The following BMP2K variants were observed in gnomAD, a reference collection of about 807,000 sequenced individuals.
BMP2K encodes the protein BMP2 inducible kinase.
A neutral mutation model predicts 116.0 loss-of-function variants in BMP2K; 74 were observed. The observed-to-expected ratio is 0.64, with a 90% confidence interval of 0.53 to 0.77. The LOEUF (loss-of-function observed/expected upper bound fraction) is 0.77. BMP2K is among the 30% of genes least tolerant of loss of function. BMP2K has a pLI of 0.00. For missense variants in BMP2K, 1,365 were observed against 1,403.6 expected (o/e 0.97, Z 0.44); for synonymous variants, 486 against 502.5 (o/e 0.97, Z 0.44).
At position 78,870,874 on chromosome 4, in the gene BMP2K, A is replaced by G. The variant is rs1263167463; in HGVS notation, c.1323A>G (p.Leu441=). The G allele has an allele frequency of 3.1e-6, 5 of 1,613,660 alleles. No individual in the cohort carries two copies. The highest frequency in any genetic ancestry group is 1.1e-5 in the South Asian group (1 of 91,060). Residue 441 remains leucine (L), a synonymous_variant, in exon 11 of 16, where the codon CTA becomes CTG. Coordinates refer to ENST00000502613, the MANE Select transcript of BMP2K (RefSeq NM_198892.2). The part of the protein sequence containing the change: ...PPQQHRVLQQ[L]QQGDWRLQQL... ...AGCAGCATAGAGTACTCCAGCAACT[A>G]CAGCAGGGAGATTGGAGATTACAGC...
At chr4:78,827,149 C>T in intron 2 of BMP2K, among the ~76,000 whole-genome samples, 1 of 152,212 alleles carries the variant, frequency 6.6e-6, no homozygotes, top group East Asian at 1.9e-4. Context: ...TTCTCTGCCC[C>T]ATTGTTGAAC....
chr4:78,776,529 C>G lies in BMP2K; in HGVS notation c.-15C>G. 8.8e-7 allele frequency: 1 copy of G among 1,140,750 alleles called. No individual in the cohort carries two copies. Among genetic ancestry groups the G allele is most frequent in the Non-Finnish European group, 1.1e-6 (1 of 926,262 alleles). 70.7% of individuals were successfully genotyped at this position (1,140,750 alleles called of 1,614,324 possible). The stretch of plus-strand genomic sequence containing the variant: ...CTTGCACGCTCCCTGCGCCCTCCAG[C>G]TCGCCGGCGGGACCATGAAGAAGTT... On this transcript the variant is annotated 5_prime_UTR_variant, in exon 1 of 16. Coordinates refer to ENST00000502613, the MANE Select transcript of BMP2K (RefSeq NM_198892.2).
At chr4:78,800,795 T>A (rs1318791229) in intron 1 of BMP2K, among the ~76,000 whole-genome samples, 1 of 152,220 alleles carries the variant, frequency 6.6e-6, no homozygotes, top group African/African-American at 2.4e-5. Flanking sequence ...AATTGCTTTG[T>A]TTGTATACAA....
intron 1 of BMP2K, among the ~76,000 whole-genome samples, chr4:78,821,924 A>G (rs1729637087): frequency 6.6e-6 from 1 of 152,262 alleles, no homozygotes; most frequent in African/African-American, 2.4e-5. Context: ...TAATTAAAGC[A>G]TGGAAATGAC....
rs572788139 is a variant in BMP2K, at chr4:78,900,883, T to C, written c.2063-9727T>C. 2.2e-4 allele frequency among the ~76,000 whole-genome samples: 34 copies of C among 152,346 alleles called. No individual in the cohort carries two copies. The South Asian group carries it at 2.7e-3, about 12-fold the overall frequency. On this transcript the variant is annotated intron_variant, in intron 15 of 15. Coordinates refer to ENST00000502613, the MANE Select transcript of BMP2K (RefSeq NM_198892.2). Reference sequence around the variant, plus strand: ...TTATGTTTTATTCCACAAGTTGATATTTTAATTATCATGAATTATATTTGC... The same window carrying C: ...TTATGTTTTATTCCACAAGTTGATACTTTAATTATCATGAATTATATTTGC...
intron 9 of BMP2K, among the ~76,000 whole-genome samples, chr4:78,861,702 A>T (rs1260881374): frequency 6.7e-6 from 1 of 148,980 alleles, no homozygotes; most frequent in African/African-American, 2.4e-5. Flanking sequence ...GTGATTATTT[A>T]ACTGATGATG....
At chr4:78,850,862 T>C in intron 6 of BMP2K, 62 bp from the exon 7 acceptor site, 3 of 1,562,940 alleles carry the variant, frequency 1.9e-6, no homozygotes, top group Non-Finnish European at 2.6e-6. Flanking sequence ...ATTGAGTTTT[T>C]GGCTATTTTT....
chr4:78,886,733 T>C (rs999345566), intron 14 of BMP2K, among the ~76,000 whole-genome samples: 1 of 152,156 alleles, frequency 6.6e-6, no homozygotes, highest in Non-Finnish European at 1.5e-5. Flanking sequence ...AAGTAAGATA[T>C]AGTGAATTAC....
At chr4:78,866,564 G>C (rs7696247) in intron 10 of BMP2K, among the ~76,000 whole-genome samples, 65 of 152,090 alleles carry the variant, frequency 4.3e-4, no homozygotes, top group Non-Finnish European at 7.5e-4. Context: ...CTGATACACG[G>C]TATGCCTTTG....
At chr4:78,792,353 T>C (rs867704646) in intron 1 of BMP2K, among the ~76,000 whole-genome samples, 3 of 152,224 alleles carry the variant, frequency 2.0e-5, no homozygotes, top group African/African-American at 7.2e-5. Context: ...CAGTATCGTG[T>C]AATTGAGGAA....
chr4:78,834,435 G>A (rs993842760), intron 3 of BMP2K, among the ~76,000 whole-genome samples: 2 of 151,968 alleles, frequency 1.3e-5, no homozygotes, highest in East Asian at 1.9e-4. Context: ...CTAATTTTTT[G>A]TATTTTTAGT....
chr4:78,823,882 C>G (rs1022213623), intron 1 of BMP2K, among the ~76,000 whole-genome samples: 1 of 152,140 alleles, frequency 6.6e-6, no homozygotes, highest in Non-Finnish European at 1.5e-5. Context: ...CATACTGCCT[C>G]TTTATCTAGA....
chr4:78,804,221 T>G (rs1444273333), intron 1 of BMP2K, among the ~76,000 whole-genome samples: 16 of 152,204 alleles, frequency 1.1e-4, no homozygotes. Flanking sequence ...CATATGATAA[T>G]GTGGCCTCCT....
At chr4:78,807,734 A>G (rs1333192341) in intron 1 of BMP2K, among the ~76,000 whole-genome samples, 2 of 150,884 alleles carry the variant, frequency 1.3e-5, no homozygotes, top group Non-Finnish European at 3.0e-5. Context: ...ATTGCCTTAC[A>G]ATCCTTTTGA....
intron 1 of BMP2K, among the ~76,000 whole-genome samples, chr4:78,786,711 T>C (rs954667259): frequency 1.3e-5 from 2 of 152,154 alleles, no homozygotes; most frequent in South Asian, 2.1e-4. Context: ...ATAGTTACTT[T>C]TTTGTAATCT....
intron 1 of BMP2K, among the ~76,000 whole-genome samples, chr4:78,814,343 C>T (rs1298891484): frequency 1.3e-5 from 2 of 152,032 alleles, no homozygotes; most frequent in East Asian, 1.9e-4. Context: ...ATTCTTTAAT[C>T]GTTTCATATA....
At chr4:78,896,133 T>A (rs1469575314) in intron 15 of BMP2K, among the ~76,000 whole-genome samples, 1 of 152,164 alleles carries the variant, frequency 6.6e-6, no homozygotes, top group Non-Finnish European at 1.5e-5. Context: ...ATCTATAACC[T>A]AACTTTTTTG....
Position 78,842,529 on chromosome 4 carries a change from T to TA in BMP2K, c.546+4dup, listed in dbSNP as rs753259284. ...CCAATAATTCACCGGGATCTGAAGGTAAGAACTTTAGAATTCCTATGGATT... is the reference window on the plus strand; with the variant it reads ...CCAATAATTCACCGGGATCTGAAGGTAAAGAACTTTAGAATTCCTATGGATT... On this transcript the variant is annotated splice_region_variant and intron_variant, in intron 4 of 15. Transcript: ENST00000502613. 5 of 1,569,532 alleles carry TA rather than the reference T, an allele frequency of 3.2e-6. No homozygotes were observed. The Admixed American group carries it at 8.6e-5, about 27-fold the overall frequency.
intron 14 of BMP2K, among the ~76,000 whole-genome samples, chr4:78,883,454 T>C (rs1248018523): frequency 6.6e-6 from 1 of 152,194 alleles, no homozygotes; most frequent in Non-Finnish European, 1.5e-5. Flanking sequence ...TTCTGTGTTT[T>C]GTGGAACAAT....
Sources: gnomAD v4.1 joint callset for allele counts (sites outside exome capture counted in the v4.1 genomes callset) on GRCh38, gnomAD v4.1.1 for gene constraint, MANE v1.5 for transcripts, NCBI Gene and HGNC (gene_info 2026-07-23, HGNC 2026-07-21) for gene names.